Variants in STK32B observed in about 807,000 individuals in gnomAD.
STK32B encodes the protein serine/threonine kinase 32B, also known as serine/threonine-protein kinase 32B.
Under a neutral mutation model 52.6 loss-of-function variants are expected in STK32B, and 43 were observed. The observed-to-expected ratio is 0.82, with a 90% CI of 0.64 to 1.05. The LOEUF is 1.05. Among genes scored for constraint, STK32B ranks in the 50% least tolerant of loss-of-function variants. STK32B has a pLI of 0.00. For synonymous variants in STK32B, 238 were observed against 204.3 expected, an observed-to-expected ratio of 1.17 and a Z score of -1.41; for missense variants, 621 against 534.6, an observed-to-expected ratio of 1.16 and a Z score of -1.59.
the STK32B span, among the ~76,000 whole-genome samples, chr4:5,024,373 A>G: frequency 6.6e-6 from 1 of 152,184 alleles, no homozygotes; most frequent in African/African-American, 2.4e-5. Context: ...TGGTGATTCC[A>G]GTTTGCACTT....
intron 3 of STK32B, among the ~76,000 whole-genome samples, chr4:5,299,084 G>C (rs1729390820): frequency 6.6e-6 from 1 of 151,856 alleles, no homozygotes; most frequent in African/African-American, 2.4e-5. Context: ...CCTGGGTGAG[G>C]CAACATCCCA....
At chr4:5,348,928 G>A (rs1305353175) in intron 4 of STK32B, among the ~76,000 whole-genome samples, 2 of 152,142 alleles carry the variant, frequency 1.3e-5, no homozygotes, top group Admixed American at 6.5e-5. Flanking sequence ...CAGTCAGCCT[G>A]CCACTACCAT....
At chr4:5,138,411 A>C (rs774807669) in intron 1 of STK32B, among the ~76,000 whole-genome samples, 1 of 151,990 alleles carries the variant, frequency 6.6e-6, no homozygotes, top group Non-Finnish European at 1.5e-5. Flanking sequence ...TAAATAACAT[A>C]TCTTTTCTAG....
In STK32B at chr4:5,268,541, GTGT is replaced by G. The variant is rs1560274128; in HGVS notation, c.261-62678_261-62676del. Among the ~76,000 whole-genome samples, 8 of 6,788 alleles carry G rather than the reference GTGT, an allele frequency of 1.2e-3. No homozygotes were observed. The African/African-American group carries it at 0.012, about 10-fold the overall frequency. The allele number at this position is 6,788 out of a possible 152,430, so 4.5% of individuals were successfully genotyped here. A position where few individuals can be genotyped will look rare whatever the true frequency, so the allele number is the denominator to read the frequency against. On this transcript the variant is annotated intron_variant, in intron 3 of 11. Coordinates refer to ENST00000282908, the MANE Select transcript of STK32B (RefSeq NM_018401.3). ...ACTATTTGAAGTTGCTTGGTGTGGT[GTGT>G]GTGTGTGTGTGTGTGTGTGTGTGTG...
chr4:5,473,934 G>A (rs376075117), intron 11 of STK32B, among the ~76,000 whole-genome samples: 35 of 152,202 alleles, frequency 2.3e-4, no homozygotes, highest in African/African-American at 7.2e-4. Context: ...GGCCAACATG[G>A]TGAAGCCCCA....
At chr4:5,424,510 C>A (rs1712917792) in intron 6 of STK32B, among the ~76,000 whole-genome samples, 2 of 152,336 alleles carry the variant, frequency 1.3e-5, no homozygotes, top group South Asian at 4.1e-4. Context: ...CTGAGCCAGA[C>A]TGGGGCAGAT....
chr4:5,173,804 T>A (rs543208625), intron 3 of STK32B, among the ~76,000 whole-genome samples: 3 of 152,232 alleles, frequency 2.0e-5, no homozygotes, highest in Non-Finnish European at 4.4e-5. Context: ...GAGAGTTCTG[T>A]AGATGTCTAT....
rs907566328 is a variant in STK32B at position 5,380,736 on chromosome 4, C to T, written c.435-17471C>T. On this transcript the variant is annotated intron_variant, in intron 4 of 11. Coordinates refer to ENST00000282908, the MANE Select transcript of STK32B (RefSeq NM_018401.3). This position sits in a 1 kb window ranked among gnomAD's most constrained non-coding sequence, Gnocchi z 4.3. ...CTTTGAACAAAGGGCCCTGCATTTTCTTTTTGCACTGGACTCCACCCATTT... is the reference window on the plus strand; with the variant it reads ...CTTTGAACAAAGGGCCCTGCATTTTTTTTTTGCACTGGACTCCACCCATTT... 8.5e-5 allele frequency among the ~76,000 whole-genome samples: 13 copies of T among 152,178 alleles called. No individual in the cohort carries two copies. Among genetic ancestry groups the T allele is most frequent in the African/African-American group, 2.7e-4 (11 of 41,454 alleles).
At chr4:5,372,096 A>G (rs1036746326) in intron 4 of STK32B, among the ~76,000 whole-genome samples, 9 of 152,244 alleles carry the variant, frequency 5.9e-5, no homozygotes, top group Admixed American at 4.6e-4. Context: ...AGGGACAAAC[A>G]CTATAACCTT....
chr4:5,339,559 C>T (rs370557948), intron 4 of STK32B, among the ~76,000 whole-genome samples: 1 of 152,096 alleles, frequency 6.6e-6, no homozygotes, highest in Non-Finnish European at 1.5e-5. Flanking sequence ...ATGAATCCTC[C>T]ACTGCGTATG....
intron 3 of STK32B, among the ~76,000 whole-genome samples, chr4:5,325,396 G>C (rs1476765032): frequency 6.6e-6 from 1 of 152,010 alleles, no homozygotes. Context: ...TCTGTGTGCT[G>C]GGGAGATTTG....
chr4:5,429,328 C>T (rs1054101630), intron 6 of STK32B, among the ~76,000 whole-genome samples: 12 of 151,894 alleles, frequency 7.9e-5, no homozygotes, highest in Non-Finnish European at 1.8e-4. Context: ...TATCATCTTG[C>T]CTTTTCTTGT....
rs572970261 is a variant in STK32B, at chr4:5,470,715, A to G, written c.1106+2645A>G. Among the ~76,000 whole-genome samples, 4 of 152,316 alleles carry G rather than the reference A, an allele frequency of 2.6e-5. No homozygotes were observed. Among genetic ancestry groups the G allele is most frequent in the South Asian group, 2.1e-4 (1 of 4,830 alleles). Reference sequence around the variant, plus strand: ...TTTCTCAGCAGTAAAAAAAATGCCTATGAGAAGTTGATTCATGACTCATGA... The same window carrying G: ...TTTCTCAGCAGTAAAAAAAATGCCTGTGAGAAGTTGATTCATGACTCATGA... On this transcript the variant is annotated intron_variant, in intron 11 of 11. Transcript: ENST00000282908. The surrounding 1 kb of genome is among the most constrained non-coding windows in gnomAD (Gnocchi z 4.6).
chr4:5,490,419 T>C (rs1261920193), intron 11 of STK32B, among the ~76,000 whole-genome samples: 2 of 152,092 alleles, frequency 1.3e-5, no homozygotes, highest in African/African-American at 4.8e-5. Context: ...TTAGGCAGTC[T>C]TATGAAGGCT....
intron 3 of STK32B, among the ~76,000 whole-genome samples, chr4:5,287,387 TTATA>T (rs1232928686): frequency 7.9e-5 from 12 of 152,322 alleles, no homozygotes; most frequent in Non-Finnish European, 1.3e-4. Context: ...CTTTATATAT[TTATA>T]TATTTATTGG....
At chr4:5,161,962 G>T (rs1718482964) in intron 2 of STK32B, among the ~76,000 whole-genome samples, 1 of 152,058 alleles carries the variant, frequency 6.6e-6, no homozygotes, top group African/African-American at 2.4e-5. Flanking sequence ...TTCTCAAGCT[G>T]GGGGATGGTA....
intron 3 of STK32B, among the ~76,000 whole-genome samples, chr4:5,252,171 C>T (rs748055352): frequency 2.0e-5 from 3 of 152,158 alleles, no homozygotes; most frequent in African/African-American, 7.2e-5. Context: ...GATACCTTTT[C>T]TATGCTCAGA....
At chr4:5,299,983 CA>C (rs1408853262) in intron 3 of STK32B, among the ~76,000 whole-genome samples, 1 of 151,886 alleles carries the variant, frequency 6.6e-6, no homozygotes, top group Non-Finnish European at 1.5e-5. Flanking sequence ...AAAGATATAA[CA>C]AAAAAAGGAA....
At chr4:5,095,054 A>G (rs980557974) in intron 1 of STK32B, among the ~76,000 whole-genome samples, 10 of 152,170 alleles carry the variant, frequency 6.6e-5, no homozygotes, top group African/African-American at 2.4e-4. Flanking sequence ...GGTGGTGCTA[A>G]TGGCACTGAG....
Sources: gnomAD v4.1 joint callset for allele counts (sites outside exome capture counted in the v4.1 genomes callset) on GRCh38, gnomAD v4.1.1 for gene constraint, Gnocchi (gnomAD v3.1) non-coding constraint, MANE v1.5 for transcripts, NCBI Gene and HGNC (gene_info 2026-07-23, HGNC 2026-07-21) for gene names.